The following RPP30 variants were observed in gnomAD, a reference collection of about 807,000 sequenced individuals.
RPP30 encodes the protein ribonuclease P/MRP subunit p30.
A neutral mutation model predicts 38.6 loss-of-function variants in RPP30; 36 were observed. The ratio of observed to expected loss-of-function variants is 0.93; its 90% CI spans 0.71 to 1.23. RPP30 has a LOEUF of 1.23. Among genes scored for constraint, RPP30 ranks in the 50% most tolerant of loss-of-function variants. The probability of loss-of-function intolerance (pLI) is 0.00; values close to 1 mark genes in which losing one functional copy is unlikely to be tolerated. For synonymous variants in RPP30, 126 were observed against 112.7 expected (o/e 1.12, Z -0.75); for missense variants, 321 against 321.7 (o/e 1.00, Z 0.02).
intron 10 of RPP30, among the ~76,000 whole-genome samples, chr10:90,900,227 C>G (rs916308514): frequency 3.3e-5 from 5 of 152,206 alleles, no homozygotes; most frequent in African/African-American, 1.2e-4. Context: ...GCTGTGTTTG[C>G]TCTCTTGATT....
At chr10:90,905,175 T>TG (rs1444630317), downstream of RPP30, 1 of 152,202 alleles carries the variant, frequency 6.6e-6, no homozygotes, top group Non-Finnish European at 1.5e-5. Flanking sequence ...TAAGAATTTT[T>TG]TTTTTTTAAA....
rs201210847 is a variant in RPP30 at position 90,872,011 on chromosome 10, C to T, written c.25C>T (p.Leu9=). The change falls in exon 1 of 11, where the codon CTG becomes TTG. Residue 9 remains leucine (L), a synonymous_variant. Transcript: ENST00000371703. ...CATGGCGGTGTTTGCAGATTTGGACCTGCGAGCGGGTTCTGACCTGAAGGC... is the reference window on the plus strand; with the variant it reads ...CATGGCGGTGTTTGCAGATTTGGACTTGCGAGCGGGTTCTGACCTGAAGGC... The part of the protein sequence containing the change: MAVFADLD[L]RAGSDLKALR... 40 of 1,614,146 alleles carry T rather than the reference C, an allele frequency of 2.5e-5. No individual in the cohort carries two copies. In the South Asian group the frequency reaches 4.1e-4, roughly 16 times the overall value.
At position 90,882,587 on chromosome 10, in the gene RPP30, C is replaced by T. The variant is rs577451576; in HGVS notation, c.343-3225C>T. On this transcript the variant is annotated intron_variant, in intron 5 of 10. Coordinates refer to ENST00000371703, the MANE Select transcript of RPP30 (RefSeq NM_006413.5). ...CTGAGGCAGGAGAATGGTGTGAACC[C>T]GGGAGACGGAGCTTGCAGTGAGCCA... Among the ~76,000 whole-genome samples the T allele has an allele frequency of 1.2e-4, 19 of 152,262 alleles. 1 individual carries two copies. Among genetic ancestry groups the T allele is most frequent in the South Asian group, 1.0e-3 (5 of 4,818 alleles).
downstream of RPP30, among the ~76,000 whole-genome samples, chr10:90,907,148 G>T (rs1564571630): frequency 6.6e-6 from 1 of 152,154 alleles, no homozygotes; most frequent in African/African-American, 2.4e-5. Flanking sequence ...AGGGGAGGTG[G>T]ATTTGAGGCA....
At chr10:90,878,453 T>C (rs1011790024) in intron 4 of RPP30, among the ~76,000 whole-genome samples, 1 of 152,124 alleles carries the variant, frequency 6.6e-6, no homozygotes, top group Non-Finnish European at 1.5e-5. Flanking sequence ...ATATACAGAC[T>C]CACACAATTT....
rs770645747 is a variant in RPP30 at position 90,871,998 on chromosome 10, T to C, written c.12T>C (p.Phe4=). Residue 4 remains phenylalanine (F), a synonymous_variant, in exon 1 of 11, where the codon TTT becomes TTC. Transcript: ENST00000371703. ...CATGGGACTTCAGCATGGCGGTGTT[T>C]GCAGATTTGGACCTGCGAGCGGGTT... MAV[F]ADLDLRAGSD... 1 of 1,614,030 alleles carries C rather than the reference T, an allele frequency of 6.2e-7. No individual in the cohort carries two copies. Among genetic ancestry groups the C allele is most frequent in the East Asian group, 2.2e-5 (1 of 44,870 alleles).
intron 1 of RPP30, among the ~76,000 whole-genome samples, chr10:90,873,643 T>G (rs1846812363): frequency 6.6e-6 from 1 of 152,176 alleles, no homozygotes. Flanking sequence ...GACATTTCTG[T>G]AGAACGGTAG....
chr10:90,894,370 T>C (rs557264210), intron 6 of RPP30, among the ~76,000 whole-genome samples: 106 of 152,314 alleles, frequency 7.0e-4, no homozygotes, highest in African/African-American at 2.5e-3. Flanking sequence ...CTTTGTCTCT[T>C]TGTGCATTCA....
At chr10:90,887,054 A>G (rs1024451614) in intron 6 of RPP30, among the ~76,000 whole-genome samples, 2 of 152,112 alleles carry the variant, frequency 1.3e-5, no homozygotes, top group Non-Finnish European at 2.9e-5. Context: ...TGCAGCCTCA[A>G]CTTCCTGGGA....
rs1034979386 is a variant in RPP30, at chr10:90,901,790, G to C, written c.*1111G>C. 1 of 982,066 alleles carries C rather than the reference G, an allele frequency of 1.0e-6. No homozygotes were observed. Among genetic ancestry groups the C allele is most frequent in the African/African-American group, 1.8e-5 (1 of 57,072 alleles). 60.8% of individuals were successfully genotyped at this position (982,066 alleles called of 1,614,324 possible). On this transcript the variant is annotated 3_prime_UTR_variant, in exon 11 of 11. Coordinates refer to ENST00000371703, the MANE Select transcript of RPP30 (RefSeq NM_006413.5). ...AAGAAATTTTTTTAAGCAAGAGAAA[G>C]ACAACTGTTCTGCGGGTTGGAGAAA...
Position 90,900,739 on chromosome 10 carries a change from A to G in RPP30, c.*60A>G, listed in dbSNP as rs1847190928. 10 of 1,551,618 alleles carry G rather than the reference A, an allele frequency of 6.4e-6. No individual in the cohort carries two copies. Among genetic ancestry groups the G allele is most frequent in the Non-Finnish European group, 6.9e-6 (8 of 1,153,366 alleles). Reference sequence around the variant, plus strand: ...TTCCCTTTTATAGTTCATCAGCCACAACAAAAATAAAACCTTTGTGTGATT... The same window carrying G: ...TTCCCTTTTATAGTTCATCAGCCACGACAAAAATAAAACCTTTGTGTGATT... On this transcript the variant is annotated 3_prime_UTR_variant, in exon 11 of 11. Coordinates refer to ENST00000371703, the MANE Select transcript of RPP30 (RefSeq NM_006413.5).
chr10:90,873,306 T>C (rs1846807964), intron 1 of RPP30, among the ~76,000 whole-genome samples: 1 of 152,236 alleles, frequency 6.6e-6, no homozygotes, highest in African/African-American at 2.4e-5. Context: ...AGAGGTGTGG[T>C]AATATATGTA....
chr10:90,904,735 C>T (rs1847235856), downstream of RPP30, among the ~76,000 whole-genome samples: 1 of 152,078 alleles, frequency 6.6e-6, no homozygotes. Flanking sequence ...TTGCTTGAAC[C>T]CGGGAGGTAG....
Position 90,894,810 on chromosome 10 carries a change from T to A in RPP30, c.468T>A (p.Tyr156Ter). The change falls in exon 7 of 11, where the codon TAT (tyrosine) becomes TAA (stop). Residue 156 changes from tyrosine (Y) to a stop codon, truncating the protein, a stop_gained. Transcript: ENST00000371703. LOFTEE classifies it high-confidence loss of function. ...IDRGLAFELV[Y>*]SPAIKDSTMR... ...GAGGCCTGGCTTTTGAACTTGTCTATAGCCCTGCTATCAAAGACTCCACAA... is the reference window on the plus strand; with the variant it reads ...GAGGCCTGGCTTTTGAACTTGTCTAAAGCCCTGCTATCAAAGACTCCACAA... 6.2e-7 allele frequency: 1 copy of A among 1,613,522 alleles called. No homozygotes were observed.
intron 6 of RPP30, among the ~76,000 whole-genome samples, chr10:90,890,501 T>G (rs1404539108): frequency 6.6e-6 from 1 of 152,206 alleles, no homozygotes; most frequent in African/African-American, 2.4e-5. Flanking sequence ...TACTCCCCAC[T>G]GAGAGATGTT....
In RPP30 at chr10:90,900,914, G is replaced by T; in HGVS notation, c.*235G>T. ...GATGTACTTTAAGAGAGAAAGACTGGTTATTTCTCCTTTGTGTAAGTGATA... is the reference window on the plus strand; with the variant it reads ...GATGTACTTTAAGAGAGAAAGACTGTTTATTTCTCCTTTGTGTAAGTGATA... On this transcript the variant is annotated 3_prime_UTR_variant, in exon 11 of 11. Transcript: ENST00000371703. 8.2e-7 allele frequency: 1 copy of T among 1,221,160 alleles called. No individual in the cohort carries two copies. The highest frequency in any genetic ancestry group is 3.1e-5 in the South Asian group (1 of 32,290). The allele number at this position is 1,221,160 out of a possible 1,614,324, so 75.6% of individuals were successfully genotyped here. A position where few individuals can be genotyped will look rare whatever the true frequency, so the allele number is the denominator to read the frequency against.
chr10:90,878,954 A>AGTG (rs1554861911), intron 4 of RPP30, 109 bp from the exon 5 acceptor site: 1 of 902,936 alleles, frequency 1.1e-6, no homozygotes, highest in Non-Finnish European at 1.8e-6. Flanking sequence ...AAATGTCAGT[A>AGTG]TATTAGAAGT....
At chr10:90,895,238 A>G (rs1478432550) in intron 7 of RPP30, 1 of 495,236 alleles carries the variant, frequency 2.0e-6, no homozygotes, top group Admixed American at 4.0e-5. Context: ...CTTTACTAAG[A>G]TCTGTTAGGA....
intron 7 of RPP30, 72 bp downstream of exon 7, chr10:90,894,963 A>G (rs758631545): frequency 1.4e-5 from 14 of 1,021,008 alleles, no homozygotes; most frequent in Non-Finnish European, 1.9e-5. Flanking sequence ...GGAATTGTCA[A>G]ACTGACTCCT....
Sources: gnomAD v4.1 joint callset for allele counts (sites outside exome capture counted in the v4.1 genomes callset) on GRCh38, gnomAD v4.1.1 for gene constraint, MANE v1.5 for transcripts, NCBI Gene and HGNC (gene_info 2026-07-23, HGNC 2026-07-21) for gene names.